Variants in SLCO6A1 observed in about 807,000 individuals in gnomAD.
SLCO6A1 encodes the protein solute carrier organic anion transporter family member 6A1.
SLCO6A1 carries 65 observed loss-of-function variants against 72.7 expected under a neutral mutation model. The ratio of observed to expected loss-of-function variants is 0.89; its 90% confidence interval spans 0.73 to 1.10. The LOEUF is 1.10. Among genes scored for constraint, SLCO6A1 ranks in the 50% least tolerant of loss-of-function variants. The pLI is 0.00. For missense variants in SLCO6A1, 874 were observed against 872.6 expected, an observed-to-expected ratio of 1.00 and a Z score of -0.02; for synonymous variants, 314 against 298.2, an observed-to-expected ratio of 1.05 and a Z score of -0.55.
At chr5:102,492,900 G>T (rs535843629) in intron 1 of SLCO6A1, among the ~76,000 whole-genome samples, 7 of 152,284 alleles carry the variant, frequency 4.6e-5, no homozygotes, top group South Asian at 4.1e-4. Context: ...AGCTCTAACT[G>T]GGTGGAGCCC....
intron 7 of SLCO6A1, among the ~76,000 whole-genome samples, chr5:102,434,418 A>G (rs1172682583): frequency 6.6e-6 from 1 of 152,190 alleles, no homozygotes; most frequent in Non-Finnish European, 1.5e-5. Context: ...GTGTGTACAG[A>G]TATCACCTGG....
At chr5:102,481,685 C>G (rs1179865958) in intron 1 of SLCO6A1, among the ~76,000 whole-genome samples, 1 of 152,156 alleles carries the variant, frequency 6.6e-6, no homozygotes, top group African/African-American at 2.4e-5. Context: ...AAATAAGTAG[C>G]AATATCATCA....
At chr5:102,477,031 TATTA>T (rs1433931112) in intron 3 of SLCO6A1, among the ~76,000 whole-genome samples, 4 of 152,256 alleles carry the variant, frequency 2.6e-5, no homozygotes, top group Admixed American at 6.5e-5. Context: ...AGTATGCTAT[TATTA>T]ATTAAGTATA....
chr5:102,394,996 T>C (rs966596224), intron 10 of SLCO6A1, among the ~76,000 whole-genome samples: 1 of 152,166 alleles, frequency 6.6e-6, no homozygotes. Context: ...ATACTTACTA[T>C]TTGTTTATAA....
Position 102,495,463 on chromosome 5 carries a change from C to T in SLCO6A1, c.358+3024G>A, listed in dbSNP as rs184455069. On this transcript the variant is annotated intron_variant, in intron 1 of 13. Coordinates refer to ENST00000506729, the MANE Select transcript of SLCO6A1 (RefSeq NM_173488.5). Reference sequence around the variant, plus strand: ...ACAAAAATTTAGCCTGGCACTGTGGCGGGCACCTGTAATCCCTACTACTTG... The same window carrying T: ...ACAAAAATTTAGCCTGGCACTGTGGTGGGCACCTGTAATCCCTACTACTTG... Among the ~76,000 whole-genome samples the T allele has an allele frequency of 2.4e-3, 368 of 152,028 alleles. 4 individuals are homozygous for T. Among genetic ancestry groups the T allele is most frequent in the South Asian group, 0.016 (76 of 4,806 alleles).
At chr5:102,474,816 C>T (rs1390365808) in intron 4 of SLCO6A1, among the ~76,000 whole-genome samples, 1 of 151,950 alleles carries the variant, frequency 6.6e-6, no homozygotes, top group East Asian at 1.9e-4. Flanking sequence ...AGATACTCAA[C>T]ACTACTAATA....
At position 102,480,441 on chromosome 5, in the gene SLCO6A1, T is replaced by G; in HGVS notation, c.359-7A>C. ...ATAAGACCAAACACCACACCTAAAA[T>G]GTAAAAAGAAAAAGAGAAAACAACG... is the stretch of plus-strand genomic sequence containing the variant. On this transcript the variant is annotated splice_region_variant and splice_polypyrimidine_tract_variant and intron_variant, in intron 1 of 13. Transcript: ENST00000506729. 1 of 1,592,306 alleles carries G rather than the reference T, an allele frequency of 6.3e-7. No individual in the cohort carries two copies. The highest frequency in any genetic ancestry group is 8.5e-7 in the Non-Finnish European group (1 of 1,172,056).
At chr5:102,402,501 A>C (rs995120204) in intron 9 of SLCO6A1, among the ~76,000 whole-genome samples, 1 of 152,174 alleles carries the variant, frequency 6.6e-6, no homozygotes, top group Non-Finnish European at 1.5e-5. Flanking sequence ...TTGTGTTGCT[A>C]TAACAGAATG....
intron 10 of SLCO6A1, among the ~76,000 whole-genome samples, chr5:102,399,209 A>C (rs1360322366): frequency 6.6e-6 from 1 of 152,122 alleles, no homozygotes; most frequent in Non-Finnish European, 1.5e-5. Flanking sequence ...GGATGTAAAT[A>C]GTTAATAAAT....
At position 102,498,662 on chromosome 5, in the gene SLCO6A1, G is replaced by A. The variant is rs1408549820; in HGVS notation, c.183C>T (p.Phe61=). 1 of 1,614,170 alleles carries A rather than the reference G, an allele frequency of 6.2e-7. No individual in the cohort carries two copies. Among genetic ancestry groups the A allele is most frequent in the Non-Finnish European group, 8.5e-7 (1 of 1,180,020 alleles). Residue 61 remains phenylalanine, a synonymous_variant, in exon 1 of 14, where the codon TTC becomes TTT. Coordinates refer to ENST00000506729, the MANE Select transcript of SLCO6A1 (RefSeq NM_173488.5). ...LRLLPEALIR[F]GGFRKRKKAK... ...CTTTTTTCCTTTTTCGGAAACCGCC[G>A]AACCTTATCAAGGCCTCTGGAAGTA...
intron 7 of SLCO6A1, among the ~76,000 whole-genome samples, chr5:102,420,388 A>G (rs1748528746): frequency 6.6e-6 from 1 of 152,194 alleles, no homozygotes; most frequent in Non-Finnish European, 1.5e-5. Context: ...ATCACAAGAG[A>G]CAGGATTATA....
intron 1 of SLCO6A1, among the ~76,000 whole-genome samples, chr5:102,488,856 A>G (rs540833821): frequency 6.6e-6 from 1 of 152,320 alleles, no homozygotes; most frequent in East Asian, 1.9e-4. Context: ...TTTTCATTCA[A>G]ATACAAAGGA....
chr5:102,401,616 G>A (rs182235969), intron 9 of SLCO6A1, among the ~76,000 whole-genome samples: 1 of 152,206 alleles, frequency 6.6e-6, no homozygotes, highest in Admixed American at 6.5e-5. Flanking sequence ...AGGTTTGAAA[G>A]GATTTGCTGA....
intron 4 of SLCO6A1, among the ~76,000 whole-genome samples, chr5:102,473,546 T>C (rs1457095735): frequency 6.6e-6 from 1 of 151,944 alleles, no homozygotes; most frequent in Non-Finnish European, 1.5e-5. Context: ...GCAAGTTTTC[T>C]AAGATCAGGA....
chr5:102,382,479 C>T (rs1746162635), intron 12 of SLCO6A1, among the ~76,000 whole-genome samples: 1 of 128,584 alleles, frequency 7.8e-6, no homozygotes. Context: ...TTTGTGATTT[C>T]ATGCAAATTT....
chr5:102,497,742 G>A (rs574597498), intron 1 of SLCO6A1, among the ~76,000 whole-genome samples: 41 of 152,306 alleles, frequency 2.7e-4, no homozygotes, highest in Middle Eastern at 3.4e-3. Flanking sequence ...TTCACAGTTT[G>A]ACTCTGAAAC....
At chr5:102,438,256 T>C (rs1178186857) in intron 7 of SLCO6A1, among the ~76,000 whole-genome samples, 1 of 151,986 alleles carries the variant, frequency 6.6e-6, no homozygotes, top group East Asian at 1.9e-4. Flanking sequence ...AAAAATAAGC[T>C]GCAGAAGAGT....
intron 6 of SLCO6A1, among the ~76,000 whole-genome samples, chr5:102,455,078 A>G (rs1750636664): frequency 6.7e-6 from 1 of 148,498 alleles, no homozygotes; most frequent in Non-Finnish European, 1.5e-5. Context: ...GGAGAAACTC[A>G]TTTTGCCTGG....
intron 4 of SLCO6A1, among the ~76,000 whole-genome samples, chr5:102,469,182 T>C (rs1751470308): frequency 6.6e-6 from 1 of 152,182 alleles, no homozygotes; most frequent in African/African-American, 2.4e-5. Flanking sequence ...AAAGTAGTTT[T>C]TTCCAATTCT....
Sources: gnomAD v4.1 joint callset for allele counts (sites outside exome capture counted in the v4.1 genomes callset) on GRCh38, gnomAD v4.1.1 for gene constraint, MANE v1.5 for transcripts, NCBI Gene and HGNC (gene_info 2026-07-23, HGNC 2026-07-21) for gene names.